Variants in PHACTR3 observed in about 807,000 individuals in gnomAD.
The protein encoded by PHACTR3 is protein phosphatase 1, regulatory subunit 123.
In PHACTR3, 16 loss-of-function variants were observed where a neutral mutation model predicts 66.8. The ratio of observed to expected loss-of-function variants is 0.24; its 90% CI spans 0.16 to 0.36. The LOEUF (loss-of-function observed/expected upper bound fraction) is 0.36. Among genes scored for constraint, PHACTR3 ranks in the 10% least tolerant of loss-of-function variants. The probability of loss-of-function intolerance (pLI) is 1.00; values close to 1 mark genes in which losing one functional copy is unlikely to be tolerated. For missense variants in PHACTR3, 647 were observed against 719.9 expected (o/e 0.90, Z 1.16); for synonymous variants, 323 against 292.1 (o/e 1.11, Z -1.08).
chr20:59,791,510 G>A (rs912274451), intron 7 of PHACTR3, among the ~76,000 whole-genome samples: 1 of 152,152 alleles, frequency 6.6e-6, no homozygotes, highest in Non-Finnish European at 1.5e-5. Flanking sequence ...CTTGTCCTCT[G>A]GGAAGTCCTG....
chr20:59,606,210 G>T (rs1197258322), intron 1 of PHACTR3, among the ~76,000 whole-genome samples: 1 of 152,138 alleles, frequency 6.6e-6, no homozygotes, highest in African/African-American at 2.4e-5. Flanking sequence ...GGCTGGCTTT[G>T]TGGGGAGGGA....
upstream of PHACTR3, chr20:59,604,481 C>T (rs2033585967): frequency 5.0e-6 from 2 of 403,866 alleles, no homozygotes; most frequent in Non-Finnish European, 3.3e-6. Context: ...ATGCTCCTCT[C>T]GCGCGGCATG....
At chr20:59,585,591 C>A (rs931946323) in intron 1 of PHACTR3, among the ~76,000 whole-genome samples, 12 of 152,136 alleles carry the variant, frequency 7.9e-5, no homozygotes, top group African/African-American at 2.7e-4. Context: ...AAAGGTAAAC[C>A]CAGGGCAGCA....
At chr20:59,727,242 T>C (rs2038600465) in intron 1 of PHACTR3, among the ~76,000 whole-genome samples, 1 of 152,072 alleles carries the variant, frequency 6.6e-6, no homozygotes, top group African/African-American at 2.4e-5. Context: ...GTTATCAGGG[T>C]CCCTCCACAC....
At chr20:59,591,434 G>C (rs565529646) in intron 1 of PHACTR3, among the ~76,000 whole-genome samples, 1 of 152,140 alleles carries the variant, frequency 6.6e-6, no homozygotes, top group Admixed American at 6.5e-5. Context: ...GACACCATGC[G>C]GGGAACTTGG....
Position 59,773,449 on chromosome 20 carries a change from G to T in PHACTR3, c.922G>T (p.Asp308Tyr). Residue 308 changes from aspartate to tyrosine, a missense_variant, in exon 6 of 13, where the codon GAC becomes TAC. By Grantham distance (160) the Asp-to-Tyr change is radical. This residue lies in a region of PHACTR3 where 577 missense variants were observed against 571.1 expected (regional missense o/e 1.01). Coordinates refer to ENST00000371015, the MANE Select transcript of PHACTR3 (RefSeq NM_080672.5). ...GGCGCTGGCCACGAAGCACCGCCAGGACAGGTGAGGCCCTGCCCCATGAGG... is the reference window on the plus strand; with the variant it reads ...GGCGCTGGCCACGAAGCACCGCCAGTACAGGTGAGGCCCTGCCCCATGAGG... ...HRALATKHRQDSFQGRESKGS... is the reference protein window; with the variant it reads ...HRALATKHRQYSFQGRESKGS... 5 of 1,607,018 alleles carry T rather than the reference G, an allele frequency of 3.1e-6. No homozygotes were observed. Among genetic ancestry groups the T allele is most frequent in the Non-Finnish European group, 3.4e-6 (4 of 1,177,268 alleles).
rs1203501868 is a variant in PHACTR3 at position 59,829,852 on chromosome 20, C to T, written c.1329-6653C>T. Among the ~76,000 whole-genome samples the T allele has an allele frequency of 6.6e-6, 1 of 152,236 alleles. No homozygotes were observed. Among genetic ancestry groups the T allele is most frequent in the Admixed American group, 6.5e-5 (1 of 15,282 alleles). ...TTGATTCAAACCTTTTCTGTGACAT[C>T]TGTGCTGGGGTGAGATCAAGATTTG... is the stretch of plus-strand genomic sequence containing the variant. On this transcript the variant is annotated intron_variant, in intron 8 of 12. Transcript: ENST00000371015. This position sits in a 1 kb window ranked among gnomAD's most constrained non-coding sequence, Gnocchi z 4.2.
intron 7 of PHACTR3, among the ~76,000 whole-genome samples, chr20:59,792,805 T>C (rs1256108853): frequency 1.3e-5 from 2 of 152,258 alleles, no homozygotes; most frequent in Admixed American, 1.3e-4. Flanking sequence ...TCTGTTTTTA[T>C]GCTGCTTTAG....
intron 1 of PHACTR3, among the ~76,000 whole-genome samples, chr20:59,687,402 A>T (rs1341222646): frequency 6.6e-6 from 1 of 152,212 alleles, no homozygotes; most frequent in Non-Finnish European, 1.5e-5. Flanking sequence ...AGAAAACACT[A>T]CTGAGTTAAT....
chr20:59,725,895 A>G (rs1305853032), intron 1 of PHACTR3, among the ~76,000 whole-genome samples: 1 of 152,120 alleles, frequency 6.6e-6, no homozygotes, highest in African/African-American at 2.4e-5. Context: ...AGCACATGGG[A>G]GCTGGGAGGC....
intron 7 of PHACTR3, among the ~76,000 whole-genome samples, chr20:59,786,518 T>G (rs975641310): frequency 6.6e-6 from 1 of 152,170 alleles, no homozygotes; most frequent in Non-Finnish European, 1.5e-5. Context: ...AAGGACCTGG[T>G]GGAGCCATCC....
At chr20:59,789,058 T>C (rs1193635327) in intron 7 of PHACTR3, among the ~76,000 whole-genome samples, 2 of 152,206 alleles carry the variant, frequency 1.3e-5, no homozygotes, top group African/African-American at 4.8e-5. Context: ...AACGAGAGAC[T>C]GGACAAAATG....
intron 1 of PHACTR3, among the ~76,000 whole-genome samples, chr20:59,695,837 A>G (rs941292130): frequency 5.9e-5 from 9 of 151,912 alleles, no homozygotes; most frequent in Non-Finnish European, 1.3e-4. Context: ...GGTTCAAGCA[A>G]TTCTCCTGCC....
intron 1 of PHACTR3, among the ~76,000 whole-genome samples, chr20:59,594,033 C>A (rs1437088406): frequency 1.3e-5 from 2 of 152,206 alleles, no homozygotes; most frequent in Non-Finnish European, 2.9e-5. Context: ...TGAATAGTCA[C>A]AACTGATTTT....
At chr20:59,612,566 A>G (rs200932447) in intron 1 of PHACTR3, among the ~76,000 whole-genome samples, 1 of 152,008 alleles carries the variant, frequency 6.6e-6, no homozygotes, top group East Asian at 1.9e-4. Flanking sequence ...TTCTGCATTT[A>G]GTAGAGATGG....
intron 8 of PHACTR3, among the ~76,000 whole-genome samples, chr20:59,822,069 C>CACCCCTTCCCCA: frequency 1.1e-5 from 1 of 94,378 alleles, no homozygotes; most frequent in African/African-American, 6.6e-5. Context: ...CGATCCGCCC[C>CACCCCTTCCCCA]GCAACGATCC....
intron 1 of PHACTR3, among the ~76,000 whole-genome samples, chr20:59,664,875 C>T (rs182589957): frequency 1.8e-4 from 27 of 152,260 alleles, no homozygotes; most frequent in Middle Eastern, 3.4e-3. Context: ...ATTCATCAGA[C>T]GAAAGTGAAT....
At chr20:59,754,689 T>C (rs1261128319) in intron 3 of PHACTR3, among the ~76,000 whole-genome samples, 1 of 152,262 alleles carries the variant, frequency 6.6e-6, no homozygotes, top group Non-Finnish European at 1.5e-5. Context: ...GCCTGTGATC[T>C]GCCCCGTGGG....
rs552021624 is a variant in PHACTR3 at position 59,630,400 on chromosome 20, C to CT, written c.118+25270dup. Among the ~76,000 whole-genome samples the CT allele has an allele frequency of 2.4e-4, 37 of 152,278 alleles. 1 individual carries two copies. The East Asian group carries it at 7.2e-3, about 29-fold the overall frequency. On this transcript the variant is annotated intron_variant, in intron 1 of 12. Coordinates refer to ENST00000371015, the MANE Select transcript of PHACTR3 (RefSeq NM_080672.5). ...GTTTCACCCTGTTGGCTAGGCTGGT[C>CT]TTAAACTCCTAACCTCAGGTGATCC...
Sources: gnomAD v4.1 joint callset for allele counts (sites outside exome capture counted in the v4.1 genomes callset) on GRCh38, gnomAD v4.1.1 for gene constraint, gnomAD v4.1.1 regional missense constraint, Gnocchi (gnomAD v3.1) non-coding constraint, MANE v1.5 for transcripts, NCBI Gene and HGNC (gene_info 2026-07-23, HGNC 2026-07-21) for gene names.